CASS4: variants seen among roughly 807,000 people sequenced by gnomAD.
CASS4 encodes the protein cas scaffolding protein family member 4.
In CASS4, 22 loss-of-function variants were observed where a neutral mutation model predicts 54.2. That is an observed-to-expected ratio of 0.41 (90% confidence interval 0.29 to 0.58). The LOEUF is 0.58. CASS4 is among the 20% of genes least tolerant of loss of function. The pLI, the probability that CASS4 is intolerant of heterozygous loss-of-function variation, is 0.36. For synonymous variants in CASS4, 409 were observed against 391.5 expected (o/e 1.04, Z -0.53); for missense variants, 854 against 986.7 (o/e 0.87, Z 1.80).
At chr20:56,436,336 A>ATGTGTGTGTG (rs35972653) in intron 1 of CASS4, among the ~76,000 whole-genome samples, 4 of 142,456 alleles carry the variant, frequency 2.8e-5, no homozygotes, top group African/African-American at 8.0e-5. Context: ...TGCTATATAT[A>ATGTGTGTGTG]TGTGTGTGTG....
intron 1 of CASS4, among the ~76,000 whole-genome samples, chr20:56,421,653 G>A (rs916854064): frequency 2.0e-4 from 31 of 152,196 alleles, no homozygotes; most frequent in Admixed American, 1.4e-3. Context: ...CTGTGATCGC[G>A]TCACTGCAGT....
rs979288481 is a variant in CASS4 at position 56,430,093 on chromosome 20, G to GTGAA, written c.37-7053_37-7050dup. Among the ~76,000 whole-genome samples the GTGAA allele has an allele frequency of 4.6e-5, 7 of 152,146 alleles. No individual in the cohort carries two copies. The highest frequency in any genetic ancestry group is 7.3e-5 in the Non-Finnish European group (5 of 68,034). ...ACACGTGATGCTCAATACAATCTTG[G>GTGAA]TGAATGAATGAATGAATGAATTGCT... is the stretch of plus-strand genomic sequence containing the variant. On this transcript the variant is annotated intron_variant, in intron 1 of 5. Transcript: ENST00000679887. The surrounding 1 kb of genome is among the most constrained non-coding windows in gnomAD (Gnocchi z 4.2).
At chr20:56,424,619 T>C (rs1255538494) in intron 1 of CASS4, among the ~76,000 whole-genome samples, 3 of 151,686 alleles carry the variant, frequency 2.0e-5, no homozygotes, top group Non-Finnish European at 4.4e-5. Flanking sequence ...CATGCACCTG[T>C]AGTCCCAGCT....
At chr20:56,446,112 C>T (rs779736863) in intron 3 of CASS4, 111 bp downstream of exon 3, 6 of 694,526 alleles carry the variant, frequency 8.6e-6, no homozygotes, top group Non-Finnish European at 1.5e-5. Context: ...GCCAGGGGCT[C>T]AGCCTCCAGA....
In CASS4 at chr20:56,437,656, T is replaced by A; in HGVS notation, c.459+70T>A. On this transcript the variant is annotated intron_variant, in intron 2 of 5. Coordinates refer to ENST00000679887, the MANE Select transcript of CASS4 (RefSeq NM_020356.4). The surrounding 1 kb of genome is among the most constrained non-coding windows in gnomAD (Gnocchi z 4.7). ...AACACCCAGAGGCCTAACTACCTCT[T>A]GAGGCATGGGTGTCCTTCAGATCAA... The A allele has an allele frequency of 3.0e-6, 4 of 1,354,562 alleles. No homozygotes were observed. The highest frequency in any genetic ancestry group is 4.0e-6 in the Non-Finnish European group (4 of 1,000,648). 83.9% of individuals were successfully genotyped at this position (1,354,562 alleles called of 1,614,324 possible). A position where few individuals can be genotyped will look rare whatever the true frequency, so the allele number is the denominator to read the frequency against.
rs147216242 is a variant in CASS4 at position 56,416,480 on chromosome 20, A to G, written c.36+3986A>G. ...CTTAGTTACGAAAATAGAGTCTGCA[A>G]TGTACTTTAGTGATTCAGTCCTGTT... On this transcript the variant is annotated intron_variant, in intron 1 of 5. Coordinates refer to ENST00000679887, the MANE Select transcript of CASS4 (RefSeq NM_020356.4). Among the ~76,000 whole-genome samples, 15 of 152,262 alleles carry G rather than the reference A, an allele frequency of 9.9e-5. No individual in the cohort carries two copies. In the East Asian group the frequency reaches 2.9e-3, roughly 29 times the overall value.
intron 2 of CASS4, among the ~76,000 whole-genome samples, chr20:56,444,972 T>C (rs574711954): frequency 6.6e-6 from 1 of 152,152 alleles, no homozygotes; most frequent in South Asian, 2.1e-4. Context: ...TAGCCTGGCA[T>C]GGAGGCATGT....
At chr20:56,419,287 AT>A (rs1677795155) in intron 1 of CASS4, among the ~76,000 whole-genome samples, 1 of 152,216 alleles carries the variant, frequency 6.6e-6, no homozygotes, top group South Asian at 2.1e-4. Flanking sequence ...TTTAGGAACC[AT>A]TTCCAAACAT....
intron 1 of CASS4, among the ~76,000 whole-genome samples, chr20:56,425,228 A>G (rs1423054361): frequency 6.6e-6 from 1 of 152,242 alleles, no homozygotes; most frequent in East Asian, 1.9e-4. Flanking sequence ...AGATCCTCTC[A>G]GTGCCTCCTC....
intron 1 of CASS4, among the ~76,000 whole-genome samples, chr20:56,435,624 T>C (rs781416926): frequency 6.6e-6 from 1 of 152,248 alleles, no homozygotes; most frequent in Non-Finnish European, 1.5e-5. Context: ...CGACTTTTTT[T>C]AGAACTGTGT....
chr20:56,455,134 A>T (rs552963997), intron 5 of CASS4, among the ~76,000 whole-genome samples: 3,121 of 28,506 alleles, frequency 0.11, 115 homozygotes, highest in African/African-American at 0.38. Context: ...TTCCTTTTTT[A>T]AAAAAAAAAA....
intron 4 of CASS4, among the ~76,000 whole-genome samples, chr20:56,450,927 G>T (rs1174611974): frequency 6.6e-6 from 1 of 151,904 alleles, no homozygotes; most frequent in Non-Finnish European, 1.5e-5. Context: ...CCAGCACTTT[G>T]GGAGGCTGAG....
intron 1 of CASS4, among the ~76,000 whole-genome samples, chr20:56,434,645 C>T (rs578134639): frequency 1.3e-5 from 2 of 151,382 alleles, no homozygotes; most frequent in Non-Finnish European, 2.9e-5. Context: ...TGGGGTTTCA[C>T]CATATTTGCC....
At chr20:56,457,480 G>C (rs1342997683) in intron 5 of CASS4, among the ~76,000 whole-genome samples, 1 of 152,034 alleles carries the variant, frequency 6.6e-6, no homozygotes. Context: ...TAAAATTCAT[G>C]AATGTAAAAT....
intron 3 of CASS4, among the ~76,000 whole-genome samples, chr20:56,447,715 G>A (rs988507958): frequency 6.6e-6 from 1 of 152,122 alleles, no homozygotes; most frequent in African/African-American, 2.4e-5. Context: ...CCACATCCTC[G>A]TGACATTCCC....
chr20:56,422,849 T>G (rs1979472474), intron 1 of CASS4, among the ~76,000 whole-genome samples: 1 of 152,250 alleles, frequency 6.6e-6, no homozygotes, highest in Non-Finnish European at 1.5e-5. Context: ...TCATTAAAGT[T>G]TTTCTTTTTC....
chr20:56,456,792 C>T (rs1353333278), intron 5 of CASS4, among the ~76,000 whole-genome samples: 1 of 152,194 alleles, frequency 6.6e-6, no homozygotes, highest in African/African-American at 2.4e-5. Context: ...GATTCTCCCA[C>T]CTCAGCCTCC....
intron 2 of CASS4, among the ~76,000 whole-genome samples, chr20:56,440,478 G>T (rs940964385): frequency 6.6e-6 from 1 of 152,148 alleles, no homozygotes; most frequent in Non-Finnish European, 1.5e-5. Context: ...TTCACAATCA[G>T]TTAAGTTTTC....
At chr20:56,451,735 G>T in intron 4 of CASS4, 84 bp from the exon 5 acceptor site, 2 of 964,878 alleles carry the variant, frequency 2.1e-6, no homozygotes, top group South Asian at 1.6e-5. Context: ...AAGGAGCGGC[G>T]GAGTGACGAT....
Sources: allele counts gnomAD v4.1 joint callset (sites outside exome capture counted in the v4.1 genomes callset), GRCh38; gene constraint gnomAD v4.1.1; non-coding constraint Gnocchi (gnomAD v3.1); transcripts MANE v1.5; gene names NCBI Gene and HGNC (gene_info 2026-07-23, HGNC 2026-07-21).